The following OXCT1 variants were observed in gnomAD, a reference collection of about 807,000 sequenced individuals.
The protein encoded by OXCT1 is succinyl-CoA:3-ketoacid coenzyme A transferase 1, mitochondrial.
Under a neutral mutation model 69.6 loss-of-function variants are expected in OXCT1, and 27 were observed. That is an observed-to-expected ratio of 0.39 (90% CI 0.29 to 0.54). OXCT1 has a LOEUF of 0.54. Ranked by LOEUF, OXCT1 falls within the 20% of genes least tolerant of loss-of-function variation. The pLI is 0.72. For synonymous variants in OXCT1, 202 were observed against 217.8 expected, an observed-to-expected ratio of 0.93 and a Z score of 0.64; for missense variants, 437 against 650.2, an observed-to-expected ratio of 0.67 and a Z score of 3.57.
chr5:41,775,225 TACAA>T (rs1428801562), intron 13 of OXCT1, among the ~76,000 whole-genome samples: 37 of 152,222 alleles, frequency 2.4e-4, no homozygotes, highest in Non-Finnish European at 4.4e-4. Flanking sequence ...GATTCAGTCT[TACAA>T]AACTGCTCCC....
chr5:41,746,008 C>A (rs1042109989), intron 15 of OXCT1, among the ~76,000 whole-genome samples: 1 of 152,072 alleles, frequency 6.6e-6, no homozygotes, highest in Admixed American at 6.5e-5. Flanking sequence ...CAAAACTACT[C>A]GAATCAATAG....
At chr5:41,811,627 C>G (rs986646574) in intron 7 of OXCT1, among the ~76,000 whole-genome samples, 6 of 151,966 alleles carry the variant, frequency 3.9e-5, no homozygotes, top group African/African-American at 1.4e-4. Context: ...GGTATGAAAG[C>G]TAAAAGGGCC....
intron 13 of OXCT1, among the ~76,000 whole-genome samples, chr5:41,783,039 T>A (rs2112187243): frequency 6.6e-6 from 1 of 152,346 alleles, no homozygotes; most frequent in African/African-American, 2.4e-5. Flanking sequence ...AAAAGAATCC[T>A]TTTATAAAGA....
intron 5 of OXCT1, among the ~76,000 whole-genome samples, chr5:41,843,176 T>A (rs1748727681): frequency 6.6e-6 from 1 of 152,232 alleles, no homozygotes; most frequent in Admixed American, 6.5e-5. Context: ...ATTGTTTTCC[T>A]ACATAAAATA....
chr5:41,848,286 T>C (rs1749018467), intron 5 of OXCT1, among the ~76,000 whole-genome samples: 3 of 150,756 alleles, frequency 2.0e-5, no homozygotes, highest in Non-Finnish European at 1.5e-5. Flanking sequence ...TAAAAGAGGA[T>C]ACAAACAAAT....
Position 41,762,226 on chromosome 5 carries a change from T to C in OXCT1, c.1249-26A>G, listed in dbSNP as rs761392568. 12 of 1,523,684 alleles carry C rather than the reference T, an allele frequency of 7.9e-6. No individual in the cohort carries two copies. Among genetic ancestry groups the C allele is most frequent in the Non-Finnish European group, 1.0e-5 (11 of 1,097,646 alleles). 94.4% of individuals were successfully genotyped at this position (1,523,684 alleles called of 1,614,324 possible). A position where few individuals can be genotyped will look rare whatever the true frequency, so the allele number is the denominator to read the frequency against. The stretch of plus-strand genomic sequence containing the variant: ...CTGCAAAACAAAAAATAAATAGCTC[T>C]GTATCTTTCACTTCTTTTGTATGTG... On this transcript the variant is annotated intron_variant, in intron 13 of 16. Transcript: ENST00000196371. This position sits in a 1 kb window ranked among gnomAD's most constrained non-coding sequence, Gnocchi z 4.0.
At chr5:41,832,682 C>A (rs1028711947) in intron 7 of OXCT1, among the ~76,000 whole-genome samples, 1 of 151,992 alleles carries the variant, frequency 6.6e-6, no homozygotes. Context: ...GCACCGGGGA[C>A]CAATCTTGGG....
At chr5:41,784,664 T>C (rs1433881115) in intron 13 of OXCT1, among the ~76,000 whole-genome samples, 1 of 152,354 alleles carries the variant, frequency 6.6e-6, no homozygotes, top group South Asian at 2.1e-4. Flanking sequence ...AATAGTTAAC[T>C]CCCTTGGCCT....
intron 3 of OXCT1, among the ~76,000 whole-genome samples, chr5:41,860,458 C>G (rs1369389241): frequency 6.6e-6 from 1 of 152,086 alleles, no homozygotes; most frequent in Non-Finnish European, 1.5e-5. Flanking sequence ...CAACTTAAGT[C>G]TAATCCTGAG....
intron 7 of OXCT1, among the ~76,000 whole-genome samples, chr5:41,834,270 A>G (rs376308794): frequency 2.6e-5 from 4 of 152,150 alleles, no homozygotes; most frequent in African/African-American, 9.6e-5. Context: ...ACAACCAGAA[A>G]ACAAAAAACA....
intron 13 of OXCT1, among the ~76,000 whole-genome samples, chr5:41,781,344 T>G (rs1156411092): frequency 2.6e-5 from 4 of 152,012 alleles, no homozygotes; most frequent in Non-Finnish European, 5.9e-5. Context: ...AAATCTTAAT[T>G]TTGTTGAATA....
intron 7 of OXCT1, among the ~76,000 whole-genome samples, chr5:41,821,152 C>G (rs1398801137): frequency 2.6e-5 from 4 of 152,180 alleles, no homozygotes; most frequent in African/African-American, 9.7e-5. Context: ...CTAGAAACTT[C>G]ACTCAATATG....
chr5:41,846,362 A>G (rs1290343755), intron 5 of OXCT1, among the ~76,000 whole-genome samples: 1 of 140,826 alleles, frequency 7.1e-6, no homozygotes, highest in African/African-American at 2.6e-5. Context: ...ATTCCCACCT[A>G]TGAGTGAGAA....
intron 14 of OXCT1, among the ~76,000 whole-genome samples, chr5:41,751,011 C>G (rs2112055433): frequency 6.6e-6 from 1 of 152,212 alleles, no homozygotes; most frequent in South Asian, 2.1e-4. Context: ...TCATATGTTT[C>G]CAGATCTTAC....
In OXCT1 at chr5:41,762,201, C is replaced by T. The variant is rs1744384296; in HGVS notation, c.1249-1G>A. Reference sequence around the variant, plus strand: ...CTCCCATTCCTTTCACCATCTTCCCCTGCAAAACAAAAAATAAATAGCTCT... The same window carrying T: ...CTCCCATTCCTTTCACCATCTTCCCTTGCAAAACAAAAAATAAATAGCTCT... On this transcript the variant is annotated splice_acceptor_variant, in intron 13 of 16. Transcript: ENST00000196371. LOFTEE classifies it high-confidence loss of function. This position sits in a 1 kb window ranked among gnomAD's most constrained non-coding sequence, Gnocchi z 4.0. 1 of 1,610,188 alleles carries T rather than the reference C, an allele frequency of 6.2e-7. No homozygotes were observed. The highest frequency in any genetic ancestry group is 8.5e-7 in the Non-Finnish European group (1 of 1,176,718).
At chr5:41,743,257 G>T (rs1438485545) in intron 15 of OXCT1, among the ~76,000 whole-genome samples, 1 of 152,094 alleles carries the variant, frequency 6.6e-6, no homozygotes. Flanking sequence ...TCATGTGTCT[G>T]TTGGCTGCAT....
intron 7 of OXCT1, among the ~76,000 whole-genome samples, chr5:41,828,966 G>A (rs1026435074): frequency 2.0e-5 from 3 of 152,060 alleles, no homozygotes; most frequent in African/African-American, 7.2e-5. Context: ...CAGGCCGTGG[G>A]CTGTATTTTG....
chr5:41,769,128 A>C (rs1198225195), intron 13 of OXCT1, among the ~76,000 whole-genome samples: 1 of 152,194 alleles, frequency 6.6e-6, no homozygotes, highest in African/African-American at 2.4e-5. Context: ...AACCTCTCAC[A>C]GCATACTTGC....
In OXCT1 at chr5:41,768,156, A is replaced by G. The variant is rs80180388; in HGVS notation, c.1249-5956T>C. Among the ~76,000 whole-genome samples, 517 of 152,254 alleles carry G rather than the reference A, an allele frequency of 3.4e-3. 1 individual carries two copies. Among genetic ancestry groups the G allele is most frequent in the African/African-American group, 0.012 (488 of 41,544 alleles). ...AAATTGTTCCTTTATTCCTGAGCTC[A>G]TAGTTAGGCTACATTTTCCAGCCTT... On this transcript the variant is annotated intron_variant, in intron 13 of 16. Coordinates refer to ENST00000196371, the MANE Select transcript of OXCT1 (RefSeq NM_000436.4).
Sources: gnomAD v4.1 joint callset for allele counts (sites outside exome capture counted in the v4.1 genomes callset) on GRCh38, gnomAD v4.1.1 for gene constraint, Gnocchi (gnomAD v3.1) non-coding constraint, MANE v1.5 for transcripts, NCBI Gene and HGNC (gene_info 2026-07-23, HGNC 2026-07-21) for gene names.